The following MXRA7 variants were observed in gnomAD, a reference collection of about 807,000 sequenced individuals.
The protein encoded by MXRA7 is matrix remodeling associated 7, also known as matrix-remodeling-associated protein 7.
Under a neutral mutation model 17.4 loss-of-function variants are expected in MXRA7, and 18 were observed. The observed-to-expected ratio is 1.03, with a 90% CI of 0.71 to 1.53. The LOEUF (loss-of-function observed/expected upper bound fraction) is 1.53. MXRA7 is among the 40% of genes most tolerant of loss of function. The pLI is 0.00. For synonymous variants in MXRA7, 70 were observed against 101.7 expected (o/e 0.69, Z 1.87); for missense variants, 141 against 209.3 (o/e 0.67, Z 2.01).
intron 1 of MXRA7, among the ~76,000 whole-genome samples, chr17:76,701,297 C>T (rs940360581): frequency 5.9e-5 from 9 of 151,298 alleles, no homozygotes; most frequent in African/African-American, 1.9e-4. Context: ...GTCTTCAGGG[C>T]GTGAGGGAGG....
At chr17:76,679,177 A>G (rs2076265703), downstream of MXRA7, among the ~76,000 whole-genome samples, 2 of 151,758 alleles carry the variant, frequency 1.3e-5, no homozygotes, top group Admixed American at 6.6e-5. Context: ...AGTCCCAGCT[A>G]CCTGGGAGGC....
chr17:76,688,411 C>T (rs1347098109), intron 1 of MXRA7: 1 of 1,396,550 alleles, frequency 7.2e-7, no homozygotes, highest in African/African-American at 1.5e-5. Flanking sequence ...TGACTGTGCA[C>T]CCCAAGCCCT....
intron 1 of MXRA7, among the ~76,000 whole-genome samples, chr17:76,691,690 C>A (rs1485602929): frequency 6.6e-6 from 1 of 152,086 alleles, no homozygotes; most frequent in African/African-American, 2.4e-5. Context: ...GTGAAGGGTT[C>A]TGTGGAGTGT....
rs769220001 is a variant in MXRA7 at position 76,680,828 on chromosome 17, A to G, written c.*39T>C. On this transcript the variant is annotated 3_prime_UTR_variant, in exon 4 of 4. Coordinates refer to ENST00000449428, the MANE Select transcript of MXRA7 (RefSeq NM_198530.4). ...TATCTCTCAAGCTTTTAAGATGCCA[A>G]AAGGAAAAGCCTTTAGGAGGACGCT... The G allele has an allele frequency of 1.2e-6, 2 of 1,604,692 alleles. No homozygotes were observed. Among genetic ancestry groups the G allele is most frequent in the African/African-American group, 1.3e-5 (1 of 74,758 alleles).
chr17:76,683,779 T>C, intron 3 of MXRA7: 1 of 1,174,958 alleles, frequency 8.5e-7, no homozygotes, highest in Non-Finnish European at 1.3e-6. Context: ...GCCGCGTCAG[T>C]TGTTTGGGGG....
intron 2 of MXRA7, 83 bp downstream of exon 2, chr17:76,688,023 ACTCGAAC>A: frequency 1.2e-6 from 1 of 829,794 alleles, no homozygotes; most frequent in Non-Finnish European, 1.9e-6. Context: ...TCCCCTCGGC[ACTCGAAC>A]CCCAGCTCCT....
exon 4 of MXRA7, chr17:76,674,378 G>C (rs544286467): frequency 5.9e-5 from 9 of 152,302 alleles, no homozygotes; most frequent in African/African-American, 2.2e-4. Context: ...TCTCAGATGA[G>C]GTAGCAGAAA....
intron 3 of MXRA7, chr17:76,684,754 G>T (rs549479372): frequency 5.5e-5 from 21 of 380,040 alleles, no homozygotes; most frequent in South Asian, 5.2e-4. Flanking sequence ...CTCTTTCCTG[G>T]CATCTCATTT....
chr17:76,702,814 T>C (rs1169484670), intron 1 of MXRA7, among the ~76,000 whole-genome samples: 1 of 112,010 alleles, frequency 8.9e-6, no homozygotes, highest in Non-Finnish European at 2.1e-5. Flanking sequence ...ATCGCGCCAC[T>C]GCACTCCAGC....
intron 2 of MXRA7, among the ~76,000 whole-genome samples, chr17:76,685,452 C>T (rs1428785975): frequency 6.6e-6 from 1 of 152,204 alleles, no homozygotes; most frequent in Non-Finnish European, 1.5e-5. Context: ...CTGGCCCTGC[C>T]CAGCAGGTCC....
chr17:76,699,869 A>G (rs1490808736), intron 1 of MXRA7, among the ~76,000 whole-genome samples: 1 of 152,226 alleles, frequency 6.6e-6, no homozygotes, highest in African/African-American at 2.4e-5. Context: ...CTAGACTGCC[A>G]CCCAGAGCAG....
At chr17:76,698,857 G>A (rs776399113) in intron 1 of MXRA7, among the ~76,000 whole-genome samples, 6 of 151,316 alleles carry the variant, frequency 4.0e-5, no homozygotes, top group Non-Finnish European at 7.4e-5. Context: ...CGAGTAGCTG[G>A]AATTACATGT....
At chr17:76,677,669 C>T (rs138240561), downstream of MXRA7, 4 of 1,613,874 alleles carry the variant, frequency 2.5e-6, no homozygotes, top group Non-Finnish European at 3.4e-6. Context: ...CTTTCATGAG[C>T]TTGAAGATGG....
At chr17:76,688,002 C>CCCCCCA in intron 2 of MXRA7, 111 bp downstream of exon 2, 3 of 838,578 alleles carry the variant, frequency 3.6e-6, no homozygotes, top group East Asian at 2.7e-5. Flanking sequence ...GCCACTGTCC[C>CCCCCCA]ACCCCATCCC....
In MXRA7 at chr17:76,694,372, A is replaced by C. The variant is rs562079406; in HGVS notation, c.343-6196T>G. Among the ~76,000 whole-genome samples the C allele has an allele frequency of 3.3e-4, 51 of 152,244 alleles. No individual in the cohort carries two copies. The South Asian group carries it at 8.5e-3, about 25-fold the overall frequency. On this transcript the variant is annotated intron_variant, in intron 1 of 3. Transcript: ENST00000449428. ...CACTCAGACTTTGCAGGCCAAGAAC[A>C]TCTCAAATTTGCCTGCATCAAATCT... is the stretch of plus-strand genomic sequence containing the variant.
intron 2 of MXRA7, 43 bp downstream of exon 2, chr17:76,688,070 C>T (rs1433829431): frequency 1.4e-5 from 22 of 1,604,314 alleles, no homozygotes; most frequent in African/African-American, 2.7e-5. Context: ...AGACCACCCC[C>T]GACACTGTCA....
chr17:76,707,088 CT>C (rs2076670804), intron 1 of MXRA7, among the ~76,000 whole-genome samples: 1 of 152,172 alleles, frequency 6.6e-6, no homozygotes, highest in Non-Finnish European at 1.5e-5. Flanking sequence ...ATAAGCTTAC[CT>C]AACACAGCCA....
chr17:76,677,553 T>G, downstream of MXRA7: 1 of 1,449,474 alleles, frequency 6.9e-7, no homozygotes, highest in Middle Eastern at 1.7e-4. Context: ...GGGGACAGCA[T>G]CAGGCATGGC....
chr17:76,699,416 G>A (rs1324845757), intron 1 of MXRA7, among the ~76,000 whole-genome samples: 2 of 152,168 alleles, frequency 1.3e-5, no homozygotes, highest in Non-Finnish European at 2.9e-5. Context: ...AAAGTGCTGG[G>A]ATTACAGGCA....
Sources: allele counts gnomAD v4.1 joint callset (sites outside exome capture counted in the v4.1 genomes callset), GRCh38; gene constraint gnomAD v4.1.1; transcripts MANE v1.5; gene names NCBI Gene and HGNC (gene_info 2026-07-23, HGNC 2026-07-21).